FANK1: variants seen among roughly 807,000 people sequenced by gnomAD.
The protein encoded by FANK1 is fibronectin type 3 and ankyrin repeat domains protein 1.
FANK1 carries 44 observed loss-of-function variants against 45.3 expected under a neutral mutation model. The ratio of observed to expected loss-of-function variants is 0.97; its 90% CI spans 0.76 to 1.25. The LOEUF (loss-of-function observed/expected upper bound fraction) is 1.25. FANK1 is among the 50% of genes most tolerant of loss of function. The pLI, the probability that FANK1 is intolerant of heterozygous loss-of-function variation, is 0.00. For synonymous variants in FANK1, 149 were observed against 152.5 expected, an observed-to-expected ratio of 0.98 and a Z score of 0.17; for missense variants, 391 against 424.4, an observed-to-expected ratio of 0.92 and a Z score of 0.69.
chr10:125,951,093 TGGGGTGG>T (rs1199074095), intron 1 of FANK1, among the ~76,000 whole-genome samples: 14 of 72,288 alleles, frequency 1.9e-4, no homozygotes, highest in African/African-American at 3.4e-4. Context: ...GGGACTGTGG[TGGGGTGG>T]GGGGAGGGGG....
intron 2 of FANK1, among the ~76,000 whole-genome samples, chr10:125,984,885 A>C (rs1023802400): frequency 2.0e-5 from 3 of 152,168 alleles, no homozygotes; most frequent in Non-Finnish European, 4.4e-5. Flanking sequence ...TTCAGCTGTC[A>C]TGTCTAGGTA....
At chr10:125,956,289 A>G (rs904527294) in intron 1 of FANK1, among the ~76,000 whole-genome samples, 5 of 151,872 alleles carry the variant, frequency 3.3e-5, no homozygotes, top group Non-Finnish European at 7.4e-5. Context: ...AGTGATGTTT[A>G]TTGAGCACTT....
At chr10:125,959,402 A>G (rs1389231617) in intron 1 of FANK1, among the ~76,000 whole-genome samples, 1 of 114,096 alleles carries the variant, frequency 8.8e-6, no homozygotes, top group Non-Finnish European at 1.7e-5. Context: ...TGACAGAATG[A>G]GACTCTGTCT....
At chr10:125,915,254 A>G (rs1209701746) in intron 1 of FANK1, among the ~76,000 whole-genome samples, 4 of 143,400 alleles carry the variant, frequency 2.8e-5, no homozygotes, top group African/African-American at 1.1e-4. Flanking sequence ...AGGGAAAACT[A>G]TCATTCATAT....
intron 1 of FANK1, among the ~76,000 whole-genome samples, chr10:125,918,574 AAAAAAAAAAAAATATATATAT>A (rs1352625508): frequency 7.9e-6 from 1 of 126,474 alleles, no homozygotes; most frequent in African/African-American, 3.2e-5. Context: ...AAAAAAAAAA[AAAAAAAAAAAAATATATATAT>A]ATATATATAT....
chr10:126,006,918 G>A (rs903758286), intron 7 of FANK1, among the ~76,000 whole-genome samples: 7 of 152,212 alleles, frequency 4.6e-5, no homozygotes, highest in Admixed American at 3.3e-4. Flanking sequence ...AAATACTGGA[G>A]TTTTGGAAAT....
At chr10:125,989,339 C>G in intron 3 of FANK1, 1 of 1,551,152 alleles carries the variant, frequency 6.4e-7, no homozygotes. Flanking sequence ...TCTCCACGGC[C>G]CACCCACTGA....
At chr10:125,909,701 T>G (rs1945835225) in intron 1 of FANK1, among the ~76,000 whole-genome samples, 1 of 148,776 alleles carries the variant, frequency 6.7e-6, no homozygotes, top group Non-Finnish European at 1.5e-5. Context: ...TTTTTTTTTT[T>G]TTTTTTTGCT....
rs1197559676 is a variant in FANK1 at position 125,976,064 on chromosome 10, T to TA, written c.14-4097_14-4096insA. On this transcript the variant is annotated intron_variant, in intron 1 of 10. Transcript: ENST00000368693. ...ATTTGCTTACCTGAAAAGGATCTTG[T>TA]TTCTCCTTCACTTAGGAAGCTTAGT... Among the ~76,000 whole-genome samples, 3 of 152,234 alleles carry TA rather than the reference T, an allele frequency of 2.0e-5. No individual in the cohort carries two copies. The East Asian group carries it at 5.8e-4, about 29-fold the overall frequency.
chr10:125,984,861 G>T (rs1951451112), intron 2 of FANK1, among the ~76,000 whole-genome samples: 1 of 152,220 alleles, frequency 6.6e-6, no homozygotes, highest in Non-Finnish European at 1.5e-5. Context: ...GTCACTCTAA[G>T]ATTCATTTAT....
At chr10:125,904,798 T>C (rs1945341749) in intron 1 of FANK1, among the ~76,000 whole-genome samples, 1 of 152,204 alleles carries the variant, frequency 6.6e-6, no homozygotes, top group South Asian at 2.1e-4. Context: ...TCTCAAAAAA[T>C]GAGCATGGCT....
At chr10:125,957,668 G>GCACCCGGCACCA (rs1467659551) in intron 1 of FANK1, among the ~76,000 whole-genome samples, 4 of 151,924 alleles carry the variant, frequency 2.6e-5, no homozygotes, top group Non-Finnish European at 5.9e-5. Context: ...GGGACTACAG[G>GCACCCGGCACCA]CACCCGGCAC....
At chr10:125,977,786 G>A (rs1304506076) in intron 1 of FANK1, among the ~76,000 whole-genome samples, 1 of 152,160 alleles carries the variant, frequency 6.6e-6, no homozygotes, top group African/African-American at 2.4e-5. Flanking sequence ...GAGAGTGGGT[G>A]TGGGACCTGT....
rs555445133 is a variant in FANK1, at chr10:125,996,640, T to G, written c.473+16T>G. Reference sequence around the variant, plus strand: ...GATACACCAGGTATGGCTCTTCTTTTTTTTAAATCTCTCTTGGGGATTTAA... The same window carrying G: ...GATACACCAGGTATGGCTCTTCTTTGTTTTAAATCTCTCTTGGGGATTTAA... On this transcript the variant is annotated intron_variant, in intron 5 of 10. Transcript: ENST00000368693. 6 of 1,611,366 alleles carry G rather than the reference T, an allele frequency of 3.7e-6. No individual in the cohort carries two copies. In the Admixed American group the frequency reaches 1.0e-4, roughly 27 times the overall value.
chr10:125,985,450 A>G (rs1279939235), intron 2 of FANK1, among the ~76,000 whole-genome samples: 1 of 152,224 alleles, frequency 6.6e-6, no homozygotes, highest in Non-Finnish European at 1.5e-5. Context: ...ATTACTTTTT[A>G]GCCCTGGCGG....
chr10:125,997,529 A>G (rs1278662372), intron 6 of FANK1, 44 bp downstream of exon 6: 14 of 1,576,654 alleles, frequency 8.9e-6, no homozygotes, highest in Non-Finnish European at 1.2e-5. Context: ...TGTTCTCAGA[A>G]TTGTGTTGCT....
intron 1 of FANK1, among the ~76,000 whole-genome samples, chr10:125,952,562 G>C (rs1340124476): frequency 2.0e-5 from 3 of 152,062 alleles, no homozygotes; most frequent in Non-Finnish European, 4.4e-5. Flanking sequence ...GGGGGATCTG[G>C]ACACCAAAGC....
intron 1 of FANK1, among the ~76,000 whole-genome samples, chr10:125,956,211 G>C (rs540626345): frequency 7.2e-6 from 1 of 139,214 alleles, no homozygotes; most frequent in Non-Finnish European, 1.6e-5. Context: ...TTGGGGGGGG[G>C]GCGGTGGTGG....
chr10:125,987,259 A>G (rs1030759575), intron 2 of FANK1, among the ~76,000 whole-genome samples: 4 of 152,154 alleles, frequency 2.6e-5, no homozygotes, highest in Non-Finnish European at 4.4e-5. Flanking sequence ...GGCACTAGAT[A>G]CACTTGTTGA....
Sources: gnomAD v4.1 joint callset for allele counts (sites outside exome capture counted in the v4.1 genomes callset) on GRCh38, gnomAD v4.1.1 for gene constraint, MANE v1.5 for transcripts, NCBI Gene and HGNC (gene_info 2026-07-23, HGNC 2026-07-21) for gene names.